Variants in DUSP8 observed in about 807,000 individuals in gnomAD.
The protein encoded by DUSP8 is dual specificity protein phosphatase 8.
In DUSP8, 15 loss-of-function variants were observed where a neutral mutation model predicts 38.7. That is an observed-to-expected ratio of 0.39 (90% CI 0.26 to 0.60). The LOEUF is 0.60. DUSP8 is among the 20% of genes least tolerant of loss of function. DUSP8 has a pLI of 0.56. For synonymous variants in DUSP8, 458 were observed against 433.9 expected, an observed-to-expected ratio of 1.06 and a Z score of -0.69; for missense variants, 768 against 915.0, an observed-to-expected ratio of 0.84 and a Z score of 2.07.
chr11:1,561,534 G>A (rs1322055239), intron 3 of DUSP8, among the ~76,000 whole-genome samples: 1 of 152,244 alleles, frequency 6.6e-6, no homozygotes, highest in Non-Finnish European at 1.5e-5. Context: ...CTCATCCCTT[G>A]CCGCTTGCCC....
Position 1,558,511 on chromosome 11 carries a change from G to A in DUSP8, c.538-240C>T, listed in dbSNP as rs563107391. On this transcript the variant is annotated intron_variant, in intron 4 of 6. Transcript: ENST00000397374. The surrounding 1 kb of genome is among the most constrained non-coding windows in gnomAD (Gnocchi z 6.3). Reference sequence around the variant, plus strand: ...GCCTCCGACTGCAGGCCCCACCCACGGCTGGTGGTGGGCTCCTAGGAATTT... The same window carrying A: ...GCCTCCGACTGCAGGCCCCACCCACAGCTGGTGGTGGGCTCCTAGGAATTT... Among the ~76,000 whole-genome samples the A allele has an allele frequency of 2.0e-5, 3 of 152,252 alleles. No individual in the cohort carries two copies. Among genetic ancestry groups the A allele is most frequent in the East Asian group, 3.9e-4 (2 of 5,158 alleles).
rs12576066 is a variant in DUSP8, at chr11:1,556,827, G to C, written c.1569C>G (p.Pro523=). The stretch of plus-strand genomic sequence containing the variant: ...GTGCGCCCTCGGGGCTGAAGCACCA[G>C]GGCCCGTCGGGCGACGGCGTGCCTG... ...DSPGTPSPDG[P]WCFSPEGAQG... The change falls in exon 7 of 7, where the codon CCC becomes CCG. Residue 523 remains proline (P), a synonymous_variant. Transcript: ENST00000397374. This position sits in a 1 kb window ranked among gnomAD's most constrained non-coding sequence, Gnocchi z 5.2. The C allele has an allele frequency of 6.1e-6, 7 of 1,156,382 alleles. No homozygotes were observed. In the Admixed American group the frequency reaches 1.9e-4, roughly 31 times the overall value. 71.6% of individuals were successfully genotyped at this position (1,156,382 alleles called of 1,614,324 possible).
chr11:1,559,740 G>A (rs1239227951), intron 3 of DUSP8, among the ~76,000 whole-genome samples: 1 of 152,200 alleles, frequency 6.6e-6, no homozygotes, highest in Non-Finnish European at 1.5e-5. Flanking sequence ...CTGGGGGCAC[G>A]CAGAGCAGGC....
At chr11:1,565,980 G>T in intron 1 of DUSP8, 46 bp from the exon 2 acceptor site, 1 of 656,182 alleles carries the variant, frequency 1.5e-6, no homozygotes. Context: ...GCCCCTGGGT[G>T]GCACCCAGAA....
rs775763578 is a variant in DUSP8 at position 1,557,394 on chromosome 11, T to G, written c.1002A>C (p.Pro334=). ...AAGAPLPRLP[P]PTSESAATGN... ...CTGTGGCAGCGCTCTCTGAGGTAGGTGGTGGCAGCCGTGGCAGCGGGGCCC... is the reference window on the plus strand; with the variant it reads ...CTGTGGCAGCGCTCTCTGAGGTAGGGGGTGGCAGCCGTGGCAGCGGGGCCC... The change falls in exon 7 of 7, where the codon CCA becomes CCC. Residue 334 remains proline, a synonymous_variant. Coordinates refer to ENST00000397374, the MANE Select transcript of DUSP8 (RefSeq NM_004420.3). This position sits in a 1 kb window ranked among gnomAD's most constrained non-coding sequence, Gnocchi z 9.9. 6.4e-7 allele frequency: 1 copy of G among 1,570,358 alleles called. No homozygotes were observed. Among genetic ancestry groups the G allele is most frequent in the South Asian group, 1.1e-5 (1 of 88,078 alleles).
rs1848669441 is a variant in DUSP8, at chr11:1,558,411, TC to T, written c.538-141del. 1.3e-6 allele frequency: 1 copy of T among 768,532 alleles called. No homozygotes were observed. The highest frequency in any genetic ancestry group is 2.0e-6 in the Non-Finnish European group (1 of 496,614). The allele number at this position is 768,532 out of a possible 1,614,324, so 47.6% of individuals were successfully genotyped here. A position where few individuals can be genotyped will look rare whatever the true frequency, so the allele number is the denominator to read the frequency against. On this transcript the variant is annotated intron_variant, in intron 4 of 6. Transcript: ENST00000397374. The surrounding 1 kb of genome is among the most constrained non-coding windows in gnomAD (Gnocchi z 6.3). ...GGAATTTGTCCCAGATCCCAGTGTA[TC>T]CAGGGGAGGGCCCAGGAGGCCTCTC...
intron 1 of DUSP8, chr11:1,571,692 C>A: frequency 6.6e-6 from 1 of 151,564 alleles, no homozygotes; most frequent in Non-Finnish European, 1.5e-5. Flanking sequence ...CCGGGTCCGC[C>A]GGGCGTTGCG....
intron 1 of DUSP8, among the ~76,000 whole-genome samples, chr11:1,569,516 G>A (rs555584880): frequency 6.6e-5 from 10 of 152,220 alleles, no homozygotes; most frequent in East Asian, 1.9e-4. Flanking sequence ...TAGAGTACAC[G>A]CACGTCCTTG....
In DUSP8 at chr11:1,557,650, C is replaced by T. The variant is rs1007295218; in HGVS notation, c.822-76G>A. The stretch of plus-strand genomic sequence containing the variant: ...ACCTGACGCACCCGCTGGGCACCCA[C>T]GAGCTCATGTGCGCCAGGCTGGTCT... On this transcript the variant is annotated intron_variant, in intron 6 of 6. Transcript: ENST00000397374. This position sits in a 1 kb window ranked among gnomAD's most constrained non-coding sequence, Gnocchi z 9.9. The T allele has an allele frequency of 1.3e-4, 200 of 1,528,404 alleles. 1 individual carries two copies. Among genetic ancestry groups the T allele is most frequent in the African/African-American group, 4.2e-4 (31 of 73,170 alleles). 94.7% of individuals were successfully genotyped at this position (1,528,404 alleles called of 1,614,324 possible).
intron 1 of DUSP8, among the ~76,000 whole-genome samples, chr11:1,567,227 C>T (rs1017665123): frequency 2.0e-5 from 3 of 152,160 alleles, no homozygotes; most frequent in Non-Finnish European, 4.4e-5. Flanking sequence ...CTGGGCCCTG[C>T]GCCCTGTGCA....
In DUSP8 at chr11:1,555,058, T is replaced by C; in HGVS notation, c.*1460A>G. 1 of 986,472 alleles carries C rather than the reference T, an allele frequency of 1.0e-6. No homozygotes were observed. Among genetic ancestry groups the C allele is most frequent in the Non-Finnish European group, 1.2e-6 (1 of 830,064 alleles). The allele number at this position is 986,472 out of a possible 1,614,324, so 61.1% of individuals were successfully genotyped here. ...TGCTCCAGGACTCAGGACTGGGTCC[T>C]GCCCTGGGCTGCCTCTCCGGCCAAG... On this transcript the variant is annotated 3_prime_UTR_variant, in exon 7 of 7. Transcript: ENST00000397374.
In DUSP8 at chr11:1,557,753, G is replaced by C. The variant is rs533179997; in HGVS notation, c.821+41C>G. ...AGTGGGCAGCCGGGGGAAGGGAAGC[G>C]ACGCTGTGAGCCACAAGTGCGCGAC... On this transcript the variant is annotated intron_variant, in intron 6 of 6. Transcript: ENST00000397374. This position sits in a 1 kb window ranked among gnomAD's most constrained non-coding sequence, Gnocchi z 9.9. The C allele has an allele frequency of 6.2e-7, 1 of 1,610,722 alleles. No individual in the cohort carries two copies. The highest frequency in any genetic ancestry group is 8.5e-7 in the Non-Finnish European group (1 of 1,179,148).
rs542823388 is a variant in DUSP8 at position 1,560,059 on chromosome 11, A to C, written c.371-1004T>G. On this transcript the variant is annotated intron_variant, in intron 3 of 6. Coordinates refer to ENST00000397374, the MANE Select transcript of DUSP8 (RefSeq NM_004420.3). ...GGGGCGACCACCGATGTGGACCAGA[A>C]ACTGGGCAGCACCCACCTGGTGGCT... is the stretch of plus-strand genomic sequence containing the variant. 4.6e-5 allele frequency among the ~76,000 whole-genome samples: 7 copies of C among 152,286 alleles called. No homozygotes were observed. The South Asian group carries it at 1.4e-3, about 32-fold the overall frequency.
At chr11:1,569,989 C>T (rs1442051641) in intron 1 of DUSP8, among the ~76,000 whole-genome samples, 1 of 152,216 alleles carries the variant, frequency 6.6e-6, no homozygotes, top group Non-Finnish European at 1.5e-5. Context: ...CCCCAGATGC[C>T]CTCATCCCTG....
At position 1,557,009 on chromosome 11, in the gene DUSP8, A is replaced by AGCCGGCGGGGGGCCGGGGCC; in HGVS notation, c.1367_1386dup (p.Ser463GlyfsTer19). The stretch of plus-strand genomic sequence containing the variant: ...CTGTGCGCGGGGGAGCGCGCGGGGG[A>AGCCGGCGGGGGGCCGGGGCC]GCCGGCGGGGGGCCGGGGCCGCCGG... On this transcript the variant is annotated frameshift_variant, in exon 7 of 7. Transcript: ENST00000397374. LOFTEE classifies it high-confidence loss of function. The surrounding 1 kb of genome is among the most constrained non-coding windows in gnomAD (Gnocchi z 9.9). 9.8e-7 allele frequency: 1 copy of AGCCGGCGGGGGGCCGGGGCC among 1,020,740 alleles called. No individual in the cohort carries two copies. 63.2% of individuals were successfully genotyped at this position (1,020,740 alleles called of 1,614,324 possible). A position where few individuals can be genotyped will look rare whatever the true frequency, so the allele number is the denominator to read the frequency against.
chr11:1,568,098 G>A (rs558254788), intron 1 of DUSP8, among the ~76,000 whole-genome samples: 1 of 152,296 alleles, frequency 6.6e-6, no homozygotes, highest in Non-Finnish European at 1.5e-5. Context: ...CTTGGGCTGG[G>A]GGTCTTTTGA....
Position 1,557,447 on chromosome 11 carries a change from G to T in DUSP8, c.949C>A (p.Pro317Thr). 6.4e-7 allele frequency: 1 copy of T among 1,562,496 alleles called. No individual in the cohort carries two copies. Reference protein sequence around the residue: ...QGDPGTPSGTPEPPPSPAAGA... With the variant: ...QGDPGTPSGTTEPPPSPAAGA... Reference sequence around the variant, plus strand: ...GCGGCAGGACTGGGCGGAGGCTCCGGCGTCCCTGAGGGGGTGCCCGGGTCG... The same window carrying T: ...GCGGCAGGACTGGGCGGAGGCTCCGTCGTCCCTGAGGGGGTGCCCGGGTCG... The change falls in exon 7 of 7, where the codon CCG becomes ACG. Residue 317 changes from proline (P) to threonine (T), a missense_variant. This residue lies in a region of DUSP8 where 474 missense variants were observed against 430.8 expected (regional missense o/e 1.10). Transcript: ENST00000397374. The surrounding 1 kb of genome is among the most constrained non-coding windows in gnomAD (Gnocchi z 9.9).
At chr11:1,564,238 C>A (rs985009246) in intron 2 of DUSP8, among the ~76,000 whole-genome samples, 1 of 152,200 alleles carries the variant, frequency 6.6e-6, no homozygotes, top group Non-Finnish European at 1.5e-5. Flanking sequence ...TCCTGCCCTG[C>A]GCAGCTGTGC....
In DUSP8 at chr11:1,566,622, G is replaced by A. The variant is rs1015698163; in HGVS notation, c.-108-688C>T. ...ACCTGCAGGCTGAGGTTTAGTGTGC[G>A]CCACGTGCCTGCTGGGGGTGAGTGC... On this transcript the variant is annotated intron_variant, in intron 1 of 6. Transcript: ENST00000397374. Among the ~76,000 whole-genome samples the A allele has an allele frequency of 2.0e-5, 3 of 152,230 alleles. No homozygotes were observed. In the East Asian group the frequency reaches 5.9e-4, roughly 30 times the overall value.
Sources: gnomAD v4.1 joint callset for allele counts (sites outside exome capture counted in the v4.1 genomes callset) on GRCh38, gnomAD v4.1.1 for gene constraint, gnomAD v4.1.1 regional missense constraint, Gnocchi (gnomAD v3.1) non-coding constraint, MANE v1.5 for transcripts, NCBI Gene and HGNC (gene_info 2026-07-23, HGNC 2026-07-21) for gene names.